The following PRRX1 variants were observed in gnomAD, a reference collection of about 807,000 sequenced individuals.
PRRX1 encodes paired related homeobox 1, also known as paired mesoderm homeobox protein 1.
In PRRX1, 8 loss-of-function variants were observed where a neutral mutation model predicts 24.0. The observed-to-expected ratio is 0.33, with a 90% CI of 0.20 to 0.60. PRRX1 has a LOEUF of 0.60. Ranked by LOEUF, PRRX1 falls within the 20% of genes least tolerant of loss-of-function variation. The pLI is 0.82. For synonymous variants in PRRX1, 160 were observed against 131.7 expected (o/e 1.22, Z -1.47); for missense variants, 281 against 322.4 (o/e 0.87, Z 0.98).
chr1:170,732,380 T>A (rs1655462253), intron 3 of PRRX1, among the ~76,000 whole-genome samples: 1 of 152,208 alleles, frequency 6.6e-6, no homozygotes, highest in African/African-American at 2.4e-5. Context: ...CTGTTGACAC[T>A]TTAGGAGGCA....
At chr1:170,726,078 A>G (rs903642664) in intron 2 of PRRX1, 142 bp from the exon 3 acceptor site, 9 of 817,214 alleles carry the variant, frequency 1.1e-5, no homozygotes, top group Non-Finnish European at 1.8e-5. Context: ...CTATTGTTCT[A>G]CGGAGAATTC....
At chr1:170,689,814 GTCTCTCTCTCTCTCTCTCTCTCTCCCTC>G (rs1186411205) in intron 1 of PRRX1, among the ~76,000 whole-genome samples, 183 of 108,110 alleles carry the variant, frequency 1.7e-3, no homozygotes, top group Middle Eastern at 6.3e-3. Flanking sequence ...TTAATATTCC[GTCTCTCTCTCTCTCTCTCTCTCTCCCTC>G]TCTCTCTCTC....
intron 1 of PRRX1, among the ~76,000 whole-genome samples, chr1:170,665,943 T>C (rs503706): frequency 0.63 from 96,315 of 152,154 alleles, 31,462 homozygotes; most frequent in Middle Eastern, 0.83. Context: ...CCAGGTGTCC[T>C]CAAGTTCCGC....
chr1:170,681,619 A>G (rs1054204231), intron 1 of PRRX1, among the ~76,000 whole-genome samples: 1 of 152,236 alleles, frequency 6.6e-6, no homozygotes, highest in Non-Finnish European at 1.5e-5. Flanking sequence ...ACTAGAGAAG[A>G]AACAGGTGAG....
chr1:170,711,736 GAA>G (rs1654759930), intron 1 of PRRX1, among the ~76,000 whole-genome samples: 1 of 152,174 alleles, frequency 6.6e-6, no homozygotes, highest in Admixed American at 6.5e-5. Flanking sequence ...CTCAGCAGAA[GAA>G]GACAAGAGGA....
intron 1 of PRRX1, among the ~76,000 whole-genome samples, chr1:170,670,081 G>A (rs981666569): frequency 3.3e-5 from 5 of 152,074 alleles, no homozygotes; most frequent in Non-Finnish European, 7.4e-5. Context: ...AAAATTACAG[G>A]CAATGTTTGG....
chr1:170,669,972 T>C (rs1228951613), intron 1 of PRRX1, among the ~76,000 whole-genome samples: 1 of 152,214 alleles, frequency 6.6e-6, no homozygotes, highest in Non-Finnish European at 1.5e-5. Context: ...GAGTATCCTC[T>C]CAAGGAAAAT....
intron 3 of PRRX1, among the ~76,000 whole-genome samples, chr1:170,729,462 A>G (rs1456108507): frequency 1.3e-5 from 2 of 152,180 alleles, no homozygotes; most frequent in East Asian, 1.9e-4. Context: ...TTATTTGCAT[A>G]TGGTCAGAAT....
intron 1 of PRRX1, among the ~76,000 whole-genome samples, chr1:170,698,002 A>G (rs1181701995): frequency 2.6e-5 from 4 of 151,840 alleles, no homozygotes; most frequent in Admixed American, 6.6e-5. Flanking sequence ...TGTTAGTATC[A>G]TCTCCAAGAT....
intron 3 of PRRX1, among the ~76,000 whole-genome samples, chr1:170,735,083 A>C (rs1655562164): frequency 6.6e-6 from 1 of 152,214 alleles, no homozygotes; most frequent in Non-Finnish European, 1.5e-5. Context: ...TTATTGAAGT[A>C]AAATATGTAT....
intron 1 of PRRX1, 109 bp downstream of exon 1, chr1:170,664,568 C>A (rs563541673): frequency 8.3e-6 from 12 of 1,449,902 alleles, no homozygotes; most frequent in Non-Finnish European, 1.1e-5. Flanking sequence ...GTCCTGGGAC[C>A]AGGAGAGGTG....
chr1:170,685,964 C>T, intron 1 of PRRX1, among the ~76,000 whole-genome samples: 1 of 151,780 alleles, frequency 6.6e-6, no homozygotes, highest in East Asian at 1.9e-4. Flanking sequence ...TGGACATATA[C>T]CTGTTCATTC....
At chr1:170,684,806 T>C (rs565754223) in intron 1 of PRRX1, among the ~76,000 whole-genome samples, 14 of 152,354 alleles carry the variant, frequency 9.2e-5, no homozygotes, top group East Asian at 1.9e-4. Flanking sequence ...CTGCAGTTTG[T>C]AGCACCATGA....
At chr1:170,663,433 AG>A (rs11287836), upstream of PRRX1, 152,165 of 152,168 alleles carry the variant, frequency 1, 76,081 homozygotes, top group Middle Eastern at 1. Flanking sequence ...GAGAGAGAGA[AG>A]GGGAAAGGGG....
intron 1 of PRRX1, among the ~76,000 whole-genome samples, chr1:170,685,420 AG>A (rs1653698457): frequency 6.6e-6 from 1 of 152,170 alleles, no homozygotes. Context: ...GACTCGAGCT[AG>A]GGGATTTGTT....
chr1:170,719,717 C>A lies in PRRX1; in HGVS notation c.242-9C>A. The A allele has an allele frequency of 6.2e-7, 1 of 1,613,820 alleles. No individual in the cohort carries two copies. Among genetic ancestry groups the A allele is most frequent in the South Asian group, 1.1e-5 (1 of 91,010 alleles). ...TTTGGCTTCTTTTCATCATTGTGTT[C>A]TATTCCAGATGACCAGCTGAACTCA... is the stretch of plus-strand genomic sequence containing the variant. On this transcript the variant is annotated splice_polypyrimidine_tract_variant and intron_variant, in intron 1 of 3. Coordinates refer to ENST00000239461, the MANE Select transcript of PRRX1 (RefSeq NM_022716.4).
chr1:170,731,000 G>A (rs566411739), intron 3 of PRRX1, among the ~76,000 whole-genome samples: 93 of 152,156 alleles, frequency 6.1e-4, no homozygotes, highest in African/African-American at 2.1e-3. Flanking sequence ...CAGTACAAAC[G>A]GAAAGCTTAC....
chr1:170,712,327 T>C (rs1210481070), intron 1 of PRRX1, among the ~76,000 whole-genome samples: 4 of 152,196 alleles, frequency 2.6e-5, no homozygotes, highest in Admixed American at 2.0e-4. Flanking sequence ...CCTTGTGCAA[T>C]TTTGAGTCTA....
chr1:170,731,856 GCAAGCATTTATTATTAATCTCTAATTTCT>G (rs1258501023), intron 3 of PRRX1, among the ~76,000 whole-genome samples: 1 of 152,182 alleles, frequency 6.6e-6, no homozygotes, highest in African/African-American at 2.4e-5. Context: ...CAGATGGGGT[GCAAGCATTTATTATTAATCTCTAATTTCT>G]CAATGCACTT....
Sources: gnomAD v4.1 joint callset for allele counts (sites outside exome capture counted in the v4.1 genomes callset) on GRCh38, gnomAD v4.1.1 for gene constraint, MANE v1.5 for transcripts, NCBI Gene and HGNC (gene_info 2026-07-23, HGNC 2026-07-21) for gene names.